APPBP2: variants seen among roughly 807,000 people sequenced by gnomAD.
APPBP2 encodes the protein amyloid beta precursor protein binding protein 2, also known as amyloid protein-binding protein 2.
In APPBP2, 15 loss-of-function variants were observed where a neutral mutation model predicts 76.0. That is an observed-to-expected ratio of 0.20 (90% CI 0.13 to 0.30). APPBP2 has a LOEUF of 0.30. Ranked by LOEUF, APPBP2 falls within the 10% of genes least tolerant of loss-of-function variation. The pLI is 1.00. For synonymous variants in APPBP2, 222 were observed against 242.2 expected, an observed-to-expected ratio of 0.92 and a Z score of 0.77; for missense variants, 401 against 687.2, an observed-to-expected ratio of 0.58 and a Z score of 4.66.
At chr17:60,487,512 T>C (rs1364654656) in intron 3 of APPBP2, among the ~76,000 whole-genome samples, 1 of 152,220 alleles carries the variant, frequency 6.6e-6, no homozygotes, top group Non-Finnish European at 1.5e-5. Flanking sequence ...GCATGTGTCA[T>C]GTAGTTCTCG....
At chr17:60,519,254 C>T (rs1353480360) in intron 1 of APPBP2, among the ~76,000 whole-genome samples, 2 of 148,182 alleles carry the variant, frequency 1.3e-5, no homozygotes, top group South Asian at 2.1e-4. Flanking sequence ...TGAGCCACTG[C>T]TCCTGGCCAC....
In APPBP2 at chr17:60,491,812, A is replaced by G. The variant is rs76718188; in HGVS notation, c.379+2654T>C. Among the ~76,000 whole-genome samples the G allele has an allele frequency of 4.7e-3, 710 of 152,304 alleles. 2 individuals are homozygous for G. Among genetic ancestry groups the G allele is most frequent in the African/African-American group, 0.017 (686 of 41,566 alleles). ...AAAATTTGCAGCCTCAGGATGCGAT[A>G]GAAAAGAAAAACTCATTTTGTGAGA... On this transcript the variant is annotated intron_variant, in intron 3 of 12. Coordinates refer to ENST00000083182, the MANE Select transcript of APPBP2 (RefSeq NM_006380.5).
chr17:60,513,787 T>C (rs775577871), intron 1 of APPBP2, among the ~76,000 whole-genome samples: 1 of 150,810 alleles, frequency 6.6e-6, no homozygotes, highest in Non-Finnish European at 1.5e-5. Flanking sequence ...CACTTGAACC[T>C]GGGAAGCAGA....
At chr17:60,502,105 G>A (rs1334652616) in intron 1 of APPBP2, among the ~76,000 whole-genome samples, 2 of 152,186 alleles carry the variant, frequency 1.3e-5, no homozygotes, top group African/African-American at 4.8e-5. Flanking sequence ...CCAGGCTGCA[G>A]TATAGTGGCA....
intron 1 of APPBP2, among the ~76,000 whole-genome samples, chr17:60,507,939 T>C (rs1398537135): frequency 6.6e-6 from 1 of 151,418 alleles, no homozygotes; most frequent in Admixed American, 6.6e-5. Context: ...AGACACACCC[T>C]GCTACACCCA....
rs1002991656 is a variant in APPBP2, at chr17:60,524,687, A to C, written c.138+1107T>G. 3.9e-5 allele frequency among the ~76,000 whole-genome samples: 6 copies of C among 152,300 alleles called. No homozygotes were observed. The South Asian group carries it at 6.2e-4, about 16-fold the overall frequency. ...TCTTCCCAATAAAACAACTGCCACA[A>C]AACACTGTACATACGTAAGAACATA... On this transcript the variant is annotated intron_variant, in intron 1 of 12. Coordinates refer to ENST00000083182, the MANE Select transcript of APPBP2 (RefSeq NM_006380.5).
At chr17:60,461,955 A>G in intron 7 of APPBP2, 39 bp downstream of exon 7, 1 of 1,607,898 alleles carries the variant, frequency 6.2e-7, no homozygotes, top group South Asian at 1.1e-5. Flanking sequence ...TAAAGTATAG[A>G]GACAATTTAA....
chr17:60,501,381 T>C (rs2090822182), intron 1 of APPBP2, among the ~76,000 whole-genome samples: 1 of 152,096 alleles, frequency 6.6e-6, no homozygotes, highest in African/African-American at 2.4e-5. Context: ...CAACCCCGCC[T>C]CAATGTCACC....
intron 1 of APPBP2, among the ~76,000 whole-genome samples, chr17:60,501,628 C>T (rs2090824370): frequency 6.6e-6 from 1 of 152,052 alleles, no homozygotes; most frequent in South Asian, 2.1e-4. Flanking sequence ...GAACTCCTGA[C>T]CTCAAGACCA....
intron 2 of APPBP2, 113 bp from the exon 3 acceptor site, chr17:60,494,730 A>C: frequency 9.7e-7 from 1 of 1,028,312 alleles, no homozygotes; most frequent in Non-Finnish European, 1.3e-6. Flanking sequence ...GGACGGAATA[A>C]GATAAAAAGC....
intron 1 of APPBP2, among the ~76,000 whole-genome samples, chr17:60,518,360 T>TGCGTGC (rs1440027090): frequency 1.0e-4 from 2 of 19,914 alleles, no homozygotes; most frequent in South Asian, 1.2e-3. Context: ...TGTGCGTGCG[T>TGCGTGC]GTGTGTGTGT....
At chr17:60,512,958 CTTTTTTTTT>C (rs58923452) in intron 1 of APPBP2, among the ~76,000 whole-genome samples, 2 of 127,200 alleles carry the variant, frequency 1.6e-5, no homozygotes, top group African/African-American at 6.1e-5. Context: ...TTTTCTTTTC[CTTTTTTTTT>C]TTTTTTTTGA....
chr17:60,525,831 G>C lies in APPBP2; in HGVS notation c.101C>G (p.Ser34Cys). Residue 34 changes from serine to cysteine, a missense_variant, in exon 1 of 13, where the codon TCC becomes TGC. By Grantham distance (112) the Ser-to-Cys change is moderately radical (BLOSUM62 -1). Coordinates refer to ENST00000083182, the MANE Select transcript of APPBP2 (RefSeq NM_006380.5). The part of the protein sequence containing the change: ...NYIRSRRDIR[S>C]LPENIQFDVY... ...ATCAAACTGGATGTTCTCGGGCAAG[G>C]AGCGGATGTCTCGGCGGGAGCGGAT... 1 of 1,614,070 alleles carries C rather than the reference G, an allele frequency of 6.2e-7. No individual in the cohort carries two copies. The highest frequency in any genetic ancestry group is 8.5e-7 in the Non-Finnish European group (1 of 1,180,002).
intron 2 of APPBP2, among the ~76,000 whole-genome samples, 167 bp from the exon 3 acceptor site, chr17:60,494,784 T>C (rs1482432169): frequency 6.6e-6 from 1 of 152,188 alleles, no homozygotes; most frequent in Non-Finnish European, 1.5e-5. Context: ...AAATTTAGCC[T>C]AATCTCTTCA....
At chr17:60,513,957 C>A (rs2090941519) in intron 1 of APPBP2, among the ~76,000 whole-genome samples, 1 of 145,740 alleles carries the variant, frequency 6.9e-6, no homozygotes, top group African/African-American at 2.6e-5. Flanking sequence ...CCCCTATATT[C>A]TTCTTTCAAT....
intron 3 of APPBP2, among the ~76,000 whole-genome samples, chr17:60,488,327 C>A (rs113997952): frequency 0.016 from 2,379 of 151,944 alleles, 65 homozygotes; most frequent in African/African-American, 0.053. Flanking sequence ...CCCCAGAGGT[C>A]AAAAAATATT....
At chr17:60,520,590 A>AAAC in intron 1 of APPBP2, among the ~76,000 whole-genome samples, 1 of 149,404 alleles carries the variant, frequency 6.7e-6, no homozygotes, top group African/African-American at 2.6e-5. Flanking sequence ...AAAAAAAAAA[A>AAAC]ATTAAGATTG....
chr17:60,506,809 G>A (rs972286134), intron 1 of APPBP2, among the ~76,000 whole-genome samples: 5 of 152,150 alleles, frequency 3.3e-5, no homozygotes, highest in Non-Finnish European at 5.9e-5. Flanking sequence ...AGGCCGAGGC[G>A]GGCAGATCAC....
chr17:60,502,207 G>T (rs1188946967), intron 1 of APPBP2, among the ~76,000 whole-genome samples: 1 of 152,212 alleles, frequency 6.6e-6, no homozygotes, highest in Non-Finnish European at 1.5e-5. Context: ...GGTTACAGGC[G>T]TGAGCCACTG....
Sources: gnomAD v4.1 joint callset for allele counts (sites outside exome capture counted in the v4.1 genomes callset) on GRCh38, gnomAD v4.1.1 for gene constraint, MANE v1.5 for transcripts, NCBI Gene and HGNC (gene_info 2026-07-23, HGNC 2026-07-21) for gene names.